The following SLC9A8 variants were observed in gnomAD, a reference collection of about 807,000 sequenced individuals.
SLC9A8 encodes sodium/hydrogen exchanger 8.
In SLC9A8, 48 loss-of-function variants were observed where a neutral mutation model predicts 66.6. That is an observed-to-expected ratio of 0.72 (90% CI 0.57 to 0.92). SLC9A8 has a LOEUF of 0.92. SLC9A8 is among the 40% of genes least tolerant of loss of function. SLC9A8 has a pLI of 0.00. For missense variants in SLC9A8, 599 were observed against 747.3 expected (o/e 0.80, Z 2.31); for synonymous variants, 274 against 282.6 (o/e 0.97, Z 0.31).
chr20:49,843,462 A>G (rs535296758), intron 4 of SLC9A8, among the ~76,000 whole-genome samples: 43 of 152,296 alleles, frequency 2.8e-4, no homozygotes, highest in African/African-American at 1.0e-3. Flanking sequence ...TTGTAAGAAT[A>G]CATTTAGGCA....
intron 8 of SLC9A8, among the ~76,000 whole-genome samples, chr20:49,859,637 T>C (rs756082074): frequency 1.3e-5 from 2 of 152,216 alleles, no homozygotes; most frequent in African/African-American, 2.4e-5. Context: ...CAACTGAATA[T>C]GTAAATGAGT....
chr20:49,882,411 G>T (rs1026238848), intron 13 of SLC9A8, among the ~76,000 whole-genome samples: 1 of 152,136 alleles, frequency 6.6e-6, no homozygotes, highest in African/African-American at 2.4e-5. Flanking sequence ...CCGGCCTCTG[G>T]GCCATGCTCC....
chr20:49,845,224 A>G (rs2087934734), intron 5 of SLC9A8, 105 bp downstream of exon 5: 2 of 794,064 alleles, frequency 2.5e-6, no homozygotes, highest in African/African-American at 3.4e-5. Context: ...CAGCAGCAGC[A>G]GCTCTGCTCC....
Position 49,835,679 on chromosome 20 carries a change from C to CTTTTTTTTT in SLC9A8, c.290-3846_290-3838dup, listed in dbSNP as rs34461954. Among the ~76,000 whole-genome samples, 34 of 71,974 alleles carry CTTTTTTTTT rather than the reference C, an allele frequency of 4.7e-4. 2 individuals carry two copies. Among genetic ancestry groups the CTTTTTTTTT allele is most frequent in the African/African-American group, 8.6e-4 (14 of 16,364 alleles). The allele number at this position is 71,974 out of a possible 152,430, so 47.2% of individuals were successfully genotyped here. On this transcript the variant is annotated intron_variant, in intron 3 of 15. Coordinates refer to ENST00000361573, the MANE Select transcript of SLC9A8 (RefSeq NM_015266.3). ...TGTACTTTGTATGCCACACAATTCA[C>CTTTTTTTTT]TTTTTTTTTTTTTTTTTTTTTTTTG...
intron 3 of SLC9A8, among the ~76,000 whole-genome samples, chr20:49,836,768 T>C (rs942933935): frequency 1.3e-5 from 2 of 152,224 alleles, no homozygotes; most frequent in African/African-American, 4.8e-5. Flanking sequence ...CTGTTTTCCA[T>C]GGTGGTTGCC....
In SLC9A8 at chr20:49,812,939, C is replaced by A; in HGVS notation, c.17C>A (p.Ala6Glu). MGEKM[A>E]EEERFPNTTH... ...CTCCGCAGGATGGGGGAGAAGATGG[C>A]GGAAGAGGAGTGAGTGGGCTTTTTC... Residue 6 changes from alanine to glutamate, a missense_variant, in exon 1 of 16, where the codon GCG (alanine) becomes GAG (glutamate). Ala to Glu is a moderately radical substitution (Grantham distance 107). Coordinates refer to ENST00000361573, the MANE Select transcript of SLC9A8 (RefSeq NM_015266.3). 2 of 1,469,238 alleles carry A rather than the reference C, an allele frequency of 1.4e-6. No homozygotes were observed. The highest frequency in any genetic ancestry group is 9.0e-7 in the Non-Finnish European group (1 of 1,111,154). The allele number at this position is 1,469,238 out of a possible 1,614,324, so 91.0% of individuals were successfully genotyped here. A position where few individuals can be genotyped will look rare whatever the true frequency, so the allele number is the denominator to read the frequency against.
intron 12 of SLC9A8, among the ~76,000 whole-genome samples, chr20:49,879,606 C>T (rs2089552213): frequency 6.6e-6 from 1 of 152,072 alleles, no homozygotes; most frequent in African/African-American, 2.4e-5. Context: ...GGGTGGATCA[C>T]TTGAGGTCAG....
intron 3 of SLC9A8, among the ~76,000 whole-genome samples, chr20:49,823,550 A>G (rs2086816864): frequency 6.6e-6 from 1 of 152,224 alleles, no homozygotes; most frequent in Non-Finnish European, 1.5e-5. Flanking sequence ...ACAGTTTAGG[A>G]GGAAGAAATG....
At chr20:49,830,582 TC>T in intron 3 of SLC9A8, 1 of 608,760 alleles carries the variant, frequency 1.6e-6, no homozygotes, top group Non-Finnish European at 3.0e-6. Context: ...TTCCAGAAGC[TC>T]CCATCTCAGG....
chr20:49,843,177 A>G (rs759617400), intron 4 of SLC9A8, among the ~76,000 whole-genome samples: 5 of 151,316 alleles, frequency 3.3e-5, no homozygotes, highest in Admixed American at 2.0e-4. Context: ...CTATAGGTAG[A>G]TTCTCCTTTT....
chr20:49,823,488 A>G (rs2086814514), intron 3 of SLC9A8, among the ~76,000 whole-genome samples: 1 of 152,216 alleles, frequency 6.6e-6, no homozygotes, highest in Non-Finnish European at 1.5e-5. Context: ...AAGGTAAGTA[A>G]TGACACTTCA....
intron 2 of SLC9A8, among the ~76,000 whole-genome samples, chr20:49,822,553 G>A (rs2086779073): frequency 6.6e-6 from 1 of 152,262 alleles, no homozygotes; most frequent in East Asian, 1.9e-4. Flanking sequence ...GGGAGGCCAA[G>A]GTGAGTGGAT....
At chr20:49,830,345 C>A in intron 3 of SLC9A8, 1 of 936,338 alleles carries the variant, frequency 1.1e-6, no homozygotes, top group Non-Finnish European at 1.8e-6. Flanking sequence ...ATTTGTTCAT[C>A]TAGGAGGGGG....
chr20:49,848,856 C>T (rs1466888338), intron 5 of SLC9A8, among the ~76,000 whole-genome samples: 1 of 152,148 alleles, frequency 6.6e-6, no homozygotes, highest in Non-Finnish European at 1.5e-5. Context: ...CAGTGCCTGT[C>T]TGTTGGGCAT....
chr20:49,842,821 G>T (rs528307893), intron 4 of SLC9A8, among the ~76,000 whole-genome samples: 1 of 152,360 alleles, frequency 6.6e-6, no homozygotes, highest in East Asian at 1.9e-4. Context: ...GAAGTGAGAA[G>T]TCAAGGTATC....
intron 3 of SLC9A8, among the ~76,000 whole-genome samples, chr20:49,836,019 G>T (rs1285203256): frequency 6.6e-6 from 1 of 152,052 alleles, no homozygotes; most frequent in Non-Finnish European, 1.5e-5. Flanking sequence ...TCAGAGTCGT[G>T]CAGCCATCAC....
chr20:49,861,449 G>A (rs1453532474), intron 8 of SLC9A8, among the ~76,000 whole-genome samples: 1 of 152,080 alleles, frequency 6.6e-6, no homozygotes, highest in Non-Finnish European at 1.5e-5. Context: ...GGGCTGAGGT[G>A]GGAGGATCAC....
At chr20:49,853,673 C>T (rs2088344961) in intron 7 of SLC9A8, among the ~76,000 whole-genome samples, 1 of 152,168 alleles carries the variant, frequency 6.6e-6, no homozygotes, top group African/African-American at 2.4e-5. Flanking sequence ...GCCTGCTTGC[C>T]TTCTGCAAGT....
chr20:49,867,762 A>G (rs1217757291), intron 10 of SLC9A8, among the ~76,000 whole-genome samples: 1 of 152,056 alleles, frequency 6.6e-6, no homozygotes, highest in Non-Finnish European at 1.5e-5. Context: ...GTTTTGTTTC[A>G]TATCTTGTAT....
Sources: allele counts gnomAD v4.1 joint callset (sites outside exome capture counted in the v4.1 genomes callset), GRCh38; gene constraint gnomAD v4.1.1; transcripts MANE v1.5; gene names NCBI Gene and HGNC (gene_info 2026-07-23, HGNC 2026-07-21).